DPP9: variants seen among roughly 807,000 people sequenced by gnomAD.
DPP9 encodes dipeptidyl peptidase 9.
Under a neutral mutation model 110.7 loss-of-function variants are expected in DPP9, and 50 were observed. The ratio of observed to expected loss-of-function variants is 0.45; its 90% CI spans 0.36 to 0.57. The LOEUF (loss-of-function observed/expected upper bound fraction) is 0.57, where lower values mean the gene tolerates loss of function less well. Among genes scored for constraint, DPP9 ranks in the 20% least tolerant of loss-of-function variants. The probability of loss-of-function intolerance (pLI) is 0.00; values close to 1 mark genes in which losing one functional copy is unlikely to be tolerated. For synonymous variants in DPP9, 561 were observed against 514.4 expected (o/e 1.09, Z -1.23); for missense variants, 1,022 against 1,217.9 (o/e 0.84, Z 2.39).
chr19:4,678,916 G>A (rs986549998), intron 21 of DPP9, among the ~76,000 whole-genome samples: 1 of 152,102 alleles, frequency 6.6e-6, no homozygotes, highest in African/African-American at 2.4e-5. Flanking sequence ...AGCAGCCAGA[G>A]AAATGTGGGT....
Position 4,685,540 on chromosome 19 carries a change from CTG to C in DPP9, c.2031+84_2031+85del. 1 of 1,402,798 alleles carries C rather than the reference CTG, an allele frequency of 7.1e-7. No individual in the cohort carries two copies. Among genetic ancestry groups the C allele is most frequent in the Non-Finnish European group, 9.8e-7 (1 of 1,024,762 alleles). The allele number at this position is 1,402,798 out of a possible 1,614,324, so 86.9% of individuals were successfully genotyped here. ...TAGCCGGGGAGCCTCCTCTGGTTGA[CTG>C]TTCTACAGCTGGCACTTGAGTGGGG... On this transcript the variant is annotated intron_variant, in intron 17 of 21. Coordinates refer to ENST00000262960, the MANE Select transcript of DPP9 (RefSeq NM_139159.5). The surrounding 1 kb of genome is among the most constrained non-coding windows in gnomAD (Gnocchi z 5.8).
In DPP9 at chr19:4,712,624, G is replaced by A. The variant is rs144244440; in HGVS notation, c.313+1457C>T. On this transcript the variant is annotated intron_variant, in intron 4 of 21. Coordinates refer to ENST00000262960, the MANE Select transcript of DPP9 (RefSeq NM_139159.5). ...ACGTGGGCCATATGACCTCTGTTGCGGTGACTCTCCTGCTGTAGCTTGAGA... is the reference window on the plus strand; with the variant it reads ...ACGTGGGCCATATGACCTCTGTTGCAGTGACTCTCCTGCTGTAGCTTGAGA... Among the ~76,000 whole-genome samples the A allele has an allele frequency of 3.7e-3, 557 of 152,228 alleles. 7 individuals carry two copies. Among genetic ancestry groups the A allele is most frequent in the African/African-American group, 0.013 (523 of 41,514 alleles).
intron 9 of DPP9, among the ~76,000 whole-genome samples, chr19:4,701,247 C>T (rs1167188917): frequency 1.3e-5 from 2 of 152,182 alleles, no homozygotes; most frequent in Non-Finnish European, 2.9e-5. Flanking sequence ...GCGAGAGGAC[C>T]ACTTGAGGCC....
intron 14 of DPP9, among the ~76,000 whole-genome samples, chr19:4,690,101 G>A (rs2091177571): frequency 6.6e-6 from 1 of 152,222 alleles, no homozygotes; most frequent in Non-Finnish European, 1.5e-5. Context: ...CTGGTCAGCC[G>A]TTCCTCCGAC....
Position 4,722,501 on chromosome 19 carries a change from T to C in DPP9, c.-38A>G, listed in dbSNP as rs1302931269. The C allele has an allele frequency of 1.4e-6, 1 of 703,036 alleles. No homozygotes were observed. The highest frequency in any genetic ancestry group is 2.7e-5 in the East Asian group (1 of 37,282). 43.5% of individuals were successfully genotyped at this position (703,036 alleles called of 1,614,324 possible). A position where few individuals can be genotyped will look rare whatever the true frequency, so the allele number is the denominator to read the frequency against. On this transcript the variant is annotated splice_region_variant and 5_prime_UTR_variant, in exon 2 of 22. Coordinates refer to ENST00000262960, the MANE Select transcript of DPP9 (RefSeq NM_139159.5). The stretch of plus-strand genomic sequence containing the variant: ...TGCCAAACCCCAGCACAACTGACCT[T>C]CTAAAGGGTCCAGAGAGCCTCCATT...
At chr19:4,705,795 G>A (rs945417715) in intron 5 of DPP9, 63 bp downstream of exon 5, 2 of 1,519,806 alleles carry the variant, frequency 1.3e-6, no homozygotes, top group Middle Eastern at 1.8e-4. Context: ...TGTATGGCCT[G>A]TGGGGCTGGC....
chr19:4,697,598 C>T lies in DPP9; in HGVS notation c.1128G>A (p.Pro376=), dbSNP rs752677171. The change falls in exon 11 of 22, where the codon CCG becomes CCA. Residue 376 remains proline, a synonymous_variant. Transcript: ENST00000262960. ...CGGCCCTGGCGATGTACTCCACCTT[C>T]GGGAACAGCGAGCTGAAGGGCTGCA... ...ELVQPFSSLF[P]KVEYIARAGW... is the part of the protein sequence containing the mutation. The T allele has an allele frequency of 7.4e-6, 12 of 1,613,800 alleles. No individual in the cohort carries two copies. The highest frequency in any genetic ancestry group is 4.0e-5 in the African/African-American group (3 of 74,944).
Position 4,685,848 on chromosome 19 carries a change from C to G in DPP9, c.1886-77G>C, listed in dbSNP as rs2090623796. 6.5e-7 allele frequency: 1 copy of G among 1,549,986 alleles called. No individual in the cohort carries two copies. Among genetic ancestry groups the G allele is most frequent in the East Asian group, 2.3e-5 (1 of 43,818 alleles). Reference sequence around the variant, plus strand: ...GACACCCTTGTTCTCCTGCCCACCCCAAGCCTTGGAGGGTGGACCAAAGCA... The same window carrying G: ...GACACCCTTGTTCTCCTGCCCACCCGAAGCCTTGGAGGGTGGACCAAAGCA... On this transcript the variant is annotated intron_variant, in intron 16 of 21. Transcript: ENST00000262960. This position sits in a 1 kb window ranked among gnomAD's most constrained non-coding sequence, Gnocchi z 5.8.
intron 2 of DPP9, chr19:4,722,102 G>T (rs1210654883): frequency 5.0e-6 from 1 of 200,642 alleles, no homozygotes. Context: ...ATGACAGCTA[G>T]CATTGTCAAC....
At position 4,682,677 on chromosome 19, in the gene DPP9, G is replaced by C; in HGVS notation, c.2474+19C>G. 1 of 1,607,464 alleles carries C rather than the reference G, an allele frequency of 6.2e-7. No individual in the cohort carries two copies. The highest frequency in any genetic ancestry group is 8.5e-7 in the Non-Finnish European group (1 of 1,177,496). ...GGAGAAGCCCCGGGGAGGAGCGCAG[G>C]GCAGGGCAGTGGCCTTACTCATTGG... On this transcript the variant is annotated intron_variant, in intron 20 of 21. Transcript: ENST00000262960. This position sits in a 1 kb window ranked among gnomAD's most constrained non-coding sequence, Gnocchi z 7.1.
intron 4 of DPP9, among the ~76,000 whole-genome samples, chr19:4,707,545 T>C (rs2092645073): frequency 6.6e-6 from 1 of 150,888 alleles, no homozygotes; most frequent in Admixed American, 6.6e-5. Flanking sequence ...CTTTCAACCC[T>C]GAGTTTCTCC....
chr19:4,688,669 T>C (rs1170603130), intron 16 of DPP9, 88 bp downstream of exon 16: 15 of 1,345,804 alleles, frequency 1.1e-5, no homozygotes, highest in Non-Finnish European at 2.8e-6. Context: ...GCTCCAGGCC[T>C]CTGCCTCTTT....
chr19:4,722,743 C>T (rs2093376579), intron 1 of DPP9, 192 bp from the exon 2 acceptor site: 5 of 579,114 alleles, frequency 8.6e-6, no homozygotes, highest in East Asian at 3.0e-5. Context: ...ATCCCACGGG[C>T]CCCGATTCCC....
intron 11 of DPP9, 107 bp downstream of exon 11, chr19:4,697,444 G>C: frequency 1.1e-6 from 1 of 934,250 alleles, no homozygotes; most frequent in Non-Finnish European, 1.6e-6. Context: ...GGGAAGACGT[G>C]AGCAGATGGA....
At chr19:4,714,859 T>G (rs1480706988) in intron 3 of DPP9, among the ~76,000 whole-genome samples, 2 of 152,080 alleles carry the variant, frequency 1.3e-5, no homozygotes, top group Non-Finnish European at 2.9e-5. Flanking sequence ...AATCTCATCC[T>G]TCTTATCCCT....
At chr19:4,708,166 G>A (rs2092677771) in intron 4 of DPP9, among the ~76,000 whole-genome samples, 1 of 152,036 alleles carries the variant, frequency 6.6e-6, no homozygotes, top group South Asian at 2.1e-4. Context: ...ACATTCCCAG[G>A]CACTGATAAA....
chr19:4,697,389 GC>G (rs1195750925), intron 11 of DPP9, among the ~76,000 whole-genome samples, 161 bp downstream of exon 11: 1 of 152,220 alleles, frequency 6.6e-6, no homozygotes, highest in Non-Finnish European at 1.5e-5. Flanking sequence ...GGTCAGGAGG[GC>G]CCTTTGGACA....
intron 14 of DPP9, 57 bp downstream of exon 14, chr19:4,690,809 GTGTGTGAGTGTA>G: frequency 8.3e-7 from 1 of 1,201,762 alleles, no homozygotes; most frequent in South Asian, 1.3e-5. Flanking sequence ...GCGTGCGTGT[GTGTGTGAGTGTA>G]TGTGTGTAAA....
rs1247893506 is a variant in DPP9 at position 4,684,696 on chromosome 19, C to T, written c.2145G>A (p.Gly715=). ...TTTTCAGGGCCCCTTCGAACCGAAG[C>T]CCTCGCTGACAGGAGCCCCTGCCGT... ...VIDGRGSCQR[G]LRFEGALKNQ... Residue 715 remains glycine (G), a synonymous_variant, in exon 18 of 22, where the codon GGG becomes GGA. Transcript: ENST00000262960. This position sits in a 1 kb window ranked among gnomAD's most constrained non-coding sequence, Gnocchi z 4.8. 3.5e-5 allele frequency: 56 copies of T among 1,612,426 alleles called. No homozygotes were observed. The highest frequency in any genetic ancestry group is 3.8e-5 in the Non-Finnish European group (45 of 1,179,434).
Sources: gnomAD v4.1 joint callset for allele counts (sites outside exome capture counted in the v4.1 genomes callset) on GRCh38, gnomAD v4.1.1 for gene constraint, Gnocchi (gnomAD v3.1) non-coding constraint, MANE v1.5 for transcripts, NCBI Gene and HGNC (gene_info 2026-07-23, HGNC 2026-07-21) for gene names.